LARS1: variants seen among roughly 807,000 people sequenced by gnomAD.
LARS1 encodes leucyl-tRNA synthetase 1.
Under a neutral mutation model 162.8 loss-of-function variants are expected in LARS1, and 100 were observed. The observed-to-expected ratio is 0.61, with a 90% confidence interval of 0.52 to 0.73. LARS1 has a LOEUF of 0.73. Among genes scored for constraint, LARS1 ranks in the 30% least tolerant of loss-of-function variants. LARS1 has a pLI of 0.00. For synonymous variants in LARS1, 457 were observed against 462.8 expected, an observed-to-expected ratio of 0.99 and a Z score of 0.16; for missense variants, 1,258 against 1,408.9, an observed-to-expected ratio of 0.89 and a Z score of 1.71.
chr5:146,172,614 G>C, intron 3 of LARS1, 73 bp downstream of exon 3: 2 of 758,270 alleles, frequency 2.6e-6, no homozygotes, highest in Admixed American at 3.0e-5. Flanking sequence ...AAATTCTATA[G>C]CTGCCATTTT....
At chr5:146,160,329 C>A in intron 7 of LARS1, 45 bp downstream of exon 7, 1 of 1,106,018 alleles carries the variant, frequency 9.0e-7, no homozygotes, top group Non-Finnish European at 1.3e-6. Flanking sequence ...AGCCTCTGTG[C>A]CCAACTGATT....
At chr5:146,149,908 C>T (rs1753199108) in intron 14 of LARS1, among the ~76,000 whole-genome samples, 1 of 152,008 alleles carries the variant, frequency 6.6e-6, no homozygotes, top group Non-Finnish European at 1.5e-5. Flanking sequence ...TCAGTGATAC[C>T]CACACCTCAC....
At chr5:146,124,452 T>TAATA (rs1451111167) in intron 28 of LARS1, among the ~76,000 whole-genome samples, 3 of 151,774 alleles carry the variant, frequency 2.0e-5, no homozygotes, top group African/African-American at 2.4e-5. Flanking sequence ...AATATCCCTT[T>TAATA]AAGTTACCCA....
In LARS1 at chr5:146,157,594, C is replaced by T. The variant is rs201778763; in HGVS notation, c.874G>A (p.Ala292Thr). The change falls in exon 10 of 32, where the codon GCT becomes ACT. Residue 292 changes from alanine to threonine, a missense_variant. By Grantham distance (58) the Ala-to-Thr change is moderately conservative (BLOSUM62 0). Coordinates refer to ENST00000394434, the MANE Select transcript of LARS1 (RefSeq NM_020117.11). ...AACATGGTCTCAGGTCTGAGAGTAG[C>T]AGCCACCAAGAAAATATTTTTACCT... ...LKGKNIFLVA[A>T]TLRPETMFGQ... The T allele has an allele frequency of 6.2e-7, 1 of 1,613,900 alleles. No individual in the cohort carries two copies. The highest frequency in any genetic ancestry group is 1.3e-5 in the African/African-American group (1 of 74,954).
intron 4 of LARS1, among the ~76,000 whole-genome samples, chr5:146,170,489 A>G (rs765813911): frequency 6.8e-4 from 103 of 151,880 alleles, no homozygotes; most frequent in Non-Finnish European, 1.3e-3. Context: ...AAAGGGGGGA[A>G]AAACAGATGG....
At chr5:146,122,630 T>C in intron 29 of LARS1, 43 bp from the exon 30 acceptor site, 2 of 1,094,740 alleles carry the variant, frequency 1.8e-6, no homozygotes, top group Non-Finnish European at 1.4e-6. Context: ...TATCACTTAA[T>C]GTGATTCAAA....
At chr5:146,131,780 A>G (rs2963924) in intron 23 of LARS1, 112,430 of 151,854 alleles carry the variant, frequency 0.74, 42,054 homozygotes, top group Middle Eastern at 0.87. Context: ...CGTGAGCCAC[A>G]GTGCCTGGCC....
chr5:146,172,393 G>A (rs1321136491), intron 3 of LARS1, among the ~76,000 whole-genome samples: 1 of 152,018 alleles, frequency 6.6e-6, no homozygotes, highest in Non-Finnish European at 1.5e-5. Flanking sequence ...GTGCGTGCCT[G>A]TAGTCCCAGC....
rs1764067006 is a variant in LARS1 at position 146,113,522 on chromosome 5, G to A, written c.*584C>T. On this transcript the variant is annotated 3_prime_UTR_variant, in exon 32 of 32. Transcript: ENST00000394434. ...ATTAGCCTTGAAGAAGCCATTATTG[G>A]TTCTTAGTTGAATAATTAAAGCTTT... 6.6e-6 allele frequency: 1 copy of A among 152,164 alleles called. No individual in the cohort carries two copies. The highest frequency in any genetic ancestry group is 2.1e-4 in the South Asian group (1 of 4,826). The allele number at this position is 152,164 out of a possible 1,614,324, so 9.4% of individuals were successfully genotyped here.
rs200351329 is a variant in LARS1 at position 146,130,146 on chromosome 5, T to A, written c.2500A>T (p.Lys834Ter). ...CCTTCCACAGCCAATTCACGGTACTTATCTTTTGCGGCCTATAAAATTTGA... is the reference window on the plus strand; with the variant it reads ...CCTTCCACAGCCAATTCACGGTACTAATCTTTTGCGGCCTATAAAATTTGA... Reference protein sequence around the residue: ...GFFEFQAAKDKYRELAVEGMH... With the variant: ...GFFEFQAAKD The change falls in exon 25 of 32, where the codon AAG becomes TAG. Residue 834 changes from lysine (K) to a stop codon, truncating the protein, a stop_gained. Coordinates refer to ENST00000394434, the MANE Select transcript of LARS1 (RefSeq NM_020117.11). LOFTEE classifies it high-confidence loss of function. The A allele has an allele frequency of 2.6e-5, 42 of 1,612,848 alleles. No homozygotes were observed. Among genetic ancestry groups the A allele is most frequent in the Non-Finnish European group, 3.2e-5 (38 of 1,179,656 alleles).
At chr5:146,153,659 C>A (rs1173421634) in intron 12 of LARS1, 75 bp downstream of exon 12, 23 of 1,137,072 alleles carry the variant, frequency 2.0e-5, no homozygotes, top group Non-Finnish European at 3.1e-5. Flanking sequence ...TAGCCTAGTC[C>A]CACAGCGTAG....
At chr5:146,131,522 GTC>G (rs1752283980) in intron 23 of LARS1, 1 of 140,172 alleles carries the variant, frequency 7.1e-6, no homozygotes, top group African/African-American at 2.7e-5. Flanking sequence ...TTGAGACAGG[GTC>G]TCTGTCACCT....
At position 146,144,211 on chromosome 5, in the gene LARS1, T is replaced by A. The variant is rs912067013; in HGVS notation, c.1738+56A>T. 2.3e-6 allele frequency: 3 copies of A among 1,308,510 alleles called. No individual in the cohort carries two copies. In the African/African-American group the frequency reaches 4.4e-5, roughly 19 times the overall value. The allele number at this position is 1,308,510 out of a possible 1,614,324, so 81.1% of individuals were successfully genotyped here. ...GGCAGGGGGGAAAGGTAAAAATGTA[T>A]ATTTTCTGTGTAACTGGCAAAGTTA... On this transcript the variant is annotated intron_variant, in intron 18 of 31. Coordinates refer to ENST00000394434, the MANE Select transcript of LARS1 (RefSeq NM_020117.11).
intron 1 of LARS1, among the ~76,000 whole-genome samples, 192 bp from the exon 2 acceptor site, chr5:146,177,857 T>C (rs1754667751): frequency 6.6e-6 from 1 of 152,240 alleles, no homozygotes; most frequent in East Asian, 1.9e-4. Flanking sequence ...CCCAGCACTT[T>C]GGGAGGCCGA....
intron 1 of LARS1, among the ~76,000 whole-genome samples, chr5:146,181,833 G>T (rs997026851): frequency 3.6e-5 from 4 of 110,188 alleles, no homozygotes; most frequent in Non-Finnish European, 5.6e-5. Flanking sequence ...TTTACGGAGA[G>T]GCGCTCAATT....
At chr5:146,181,841 A>ATTT (rs1181046830) in intron 1 of LARS1, among the ~76,000 whole-genome samples, 23 of 23,938 alleles carry the variant, frequency 9.6e-4, no homozygotes, top group South Asian at 2.3e-3. Context: ...GAGGCGCTCA[A>ATTT]TTTTTTCTTT....
At chr5:146,114,998 C>G (rs1274045120) in intron 31 of LARS1, among the ~76,000 whole-genome samples, 1 of 147,608 alleles carries the variant, frequency 6.8e-6, no homozygotes, top group Admixed American at 6.9e-5. Flanking sequence ...GAGCCAAGAT[C>G]GCGCCACTGC....
chr5:146,151,123 AC>A (rs1364842213), intron 14 of LARS1, among the ~76,000 whole-genome samples: 1 of 152,180 alleles, frequency 6.6e-6, no homozygotes, highest in Non-Finnish European at 1.5e-5. Context: ...AAGAGTGCCT[AC>A]TTCAGAATGG....
intron 1 of LARS1, among the ~76,000 whole-genome samples, chr5:146,178,639 G>T (rs1448281005): frequency 6.6e-6 from 1 of 151,796 alleles, no homozygotes; most frequent in Non-Finnish European, 1.5e-5. Context: ...AAAATACCTG[G>T]ACTCTTTTCA....
Sources: allele counts gnomAD v4.1 joint callset (sites outside exome capture counted in the v4.1 genomes callset), GRCh38; gene constraint gnomAD v4.1.1; transcripts MANE v1.5; gene names NCBI Gene and HGNC (gene_info 2026-07-23, HGNC 2026-07-21).